Variants in TLK1 observed in about 807,000 individuals in gnomAD.
The protein encoded by TLK1 is tousled like kinase 1.
A neutral mutation model predicts 105.3 loss-of-function variants in TLK1; 24 were observed. The ratio of observed to expected loss-of-function variants is 0.23; its 90% CI spans 0.17 to 0.32. The LOEUF (loss-of-function observed/expected upper bound fraction) is 0.32, where lower values mean the gene tolerates loss of function less well. Ranked by LOEUF, TLK1 falls within the 10% of genes least tolerant of loss-of-function variation. The pLI is 1.00. For synonymous variants in TLK1, 321 were observed against 310.4 expected (o/e 1.03, Z -0.36); for missense variants, 558 against 910.5 (o/e 0.61, Z 4.98).
intron 2 of TLK1, among the ~76,000 whole-genome samples, chr2:171,088,821 TC>T (rs1689095262): frequency 6.6e-6 from 1 of 152,116 alleles, no homozygotes. Flanking sequence ...CATATATCTT[TC>T]CTCAAGAAGC....
At chr2:171,070,409 T>TCCC (rs1175645965) in intron 3 of TLK1, among the ~76,000 whole-genome samples, 1 of 152,022 alleles carries the variant, frequency 6.6e-6, no homozygotes, top group Non-Finnish European at 1.5e-5. Context: ...CATTAACCAT[T>TCCC]CCCCCTCCCC....
chr2:171,073,880 C>G (rs1013420581), intron 3 of TLK1, among the ~76,000 whole-genome samples: 9 of 98,474 alleles, frequency 9.1e-5, no homozygotes, highest in Admixed American at 2.2e-4. Flanking sequence ...ATTCCCCCCC[C>G]CCCTCCTTTT....
At chr2:171,043,455 T>G (rs1294939236) in intron 11 of TLK1, among the ~76,000 whole-genome samples, 1 of 152,140 alleles carries the variant, frequency 6.6e-6, no homozygotes, top group Non-Finnish European at 1.5e-5. Context: ...GGTTAGATCA[T>G]TCAAGTACTG....
intron 1 of TLK1, among the ~76,000 whole-genome samples, chr2:171,148,911 A>ATATATG (rs1408462467): frequency 7.4e-6 from 1 of 134,240 alleles, no homozygotes; most frequent in African/African-American, 3.0e-5. Flanking sequence ...ATATATATAT[A>ATATATG]TGTGTGTGTG....
Position 171,201,901 on chromosome 2 carries a change from C to CTATT in TLK1, c.-6+29243_-6+29244insAATA, listed in dbSNP as rs968199784. ...CCTAAGACCATTTATCAGCTATCAT[C>CTATT]TATCTATCTATCTATCTATCTATCT... On this transcript the variant is annotated intron_variant, in intron 1 of 20. Coordinates refer to the TLK1 transcript ENST00000521943. Among the ~76,000 whole-genome samples the CTATT allele has an allele frequency of 1.0e-4, 8 of 76,346 alleles. No individual in the cohort carries two copies. The South Asian group carries it at 1.3e-3, about 13-fold the overall frequency. The allele number at this position is 76,346 out of a possible 152,430, so 50.1% of individuals were successfully genotyped here. A position where few individuals can be genotyped will look rare whatever the true frequency, so the allele number is the denominator to read the frequency against.
chr2:171,077,040 T>C (rs1688547387), intron 3 of TLK1, among the ~76,000 whole-genome samples: 1 of 152,180 alleles, frequency 6.6e-6, no homozygotes, highest in African/African-American at 2.4e-5. Flanking sequence ...TTCTAACTCC[T>C]TCAGGTATTC....
intron 2 of TLK1, among the ~76,000 whole-genome samples, chr2:171,112,725 G>A (rs1243806650): frequency 6.6e-6 from 1 of 152,082 alleles, no homozygotes; most frequent in Non-Finnish European, 1.5e-5. Context: ...CAGCAAGACT[G>A]CCAGATACAA....
In TLK1 at chr2:171,160,372, G is replaced by C. The variant is rs1692435137; in HGVS notation, c.57C>G (p.Leu19=). The part of the protein sequence containing the change: ...SLEGPPSWSQ[L]STSPTPGSAA... Reference sequence around the variant, plus strand: ...CCGAGCCCGGGGTTGGAGACGTGGAGAGCTGGGACCAAGATGGCGGCCCCT... The same window carrying C: ...CCGAGCCCGGGGTTGGAGACGTGGACAGCTGGGACCAAGATGGCGGCCCCT... Residue 19 remains leucine (L), a synonymous_variant, in exon 1 of 21, where the codon CTC becomes CTG. Coordinates refer to ENST00000431350, the MANE Select transcript of TLK1 (RefSeq NM_012290.5). The surrounding 1 kb of genome is among the most constrained non-coding windows in gnomAD (Gnocchi z 4.4). 2.5e-6 allele frequency: 4 copies of C among 1,606,212 alleles called. No homozygotes were observed. The East Asian group carries it at 9.2e-5, about 37-fold the overall frequency.
chr2:170,996,157 C>T lies in TLK1; in HGVS notation c.2124+496G>A, dbSNP rs1458069334. Among the ~76,000 whole-genome samples the T allele has an allele frequency of 2.0e-5, 3 of 151,642 alleles. No individual in the cohort carries two copies. In the South Asian group the frequency reaches 6.2e-4, roughly 32 times the overall value. Reference sequence around the variant, plus strand: ...GAGACTCTAGATGTGTGCCACCACGCCTGGCTAATTTTTGTATTTTTAGTA... The same window carrying T: ...GAGACTCTAGATGTGTGCCACCACGTCTGGCTAATTTTTGTATTTTTAGTA... On this transcript the variant is annotated intron_variant, in intron 20 of 20. Coordinates refer to ENST00000431350, the MANE Select transcript of TLK1 (RefSeq NM_012290.5).
intron 2 of TLK1, among the ~76,000 whole-genome samples, chr2:171,087,264 T>C (rs1238043996): frequency 6.6e-6 from 1 of 152,118 alleles, no homozygotes; most frequent in Non-Finnish European, 1.5e-5. Flanking sequence ...CTAATATAAG[T>C]AGCTCAAACG....
At chr2:171,217,485 T>G (rs1188100863) in intron 1 of TLK1, among the ~76,000 whole-genome samples, 1 of 152,152 alleles carries the variant, frequency 6.6e-6, no homozygotes, top group East Asian at 1.9e-4. Flanking sequence ...TCTTTTCCAT[T>G]TCCTTGCCCC....
rs552363395 is a variant in TLK1 at position 171,112,866 on chromosome 2, C to A, written c.258+4873G>T. On this transcript the variant is annotated intron_variant, in intron 2 of 20. Transcript: ENST00000431350. ...ATTCCTAAGAAGTCCATGGGGAGAA[C>A]TGAATAAACAGGGAGACATTTCATG... Among the ~76,000 whole-genome samples, 30 of 152,174 alleles carry A rather than the reference C, an allele frequency of 2.0e-4. No homozygotes were observed. In the South Asian group the frequency reaches 6.0e-3, roughly 31 times the overall value.
At chr2:171,062,508 A>G (rs1454865000) in intron 3 of TLK1, among the ~76,000 whole-genome samples, 2 of 152,190 alleles carry the variant, frequency 1.3e-5, no homozygotes, top group Non-Finnish European at 2.9e-5. Context: ...GATTCAGAGA[A>G]ATTGGACCAA....
At chr2:171,204,572 G>A (rs1235439913) in intron 1 of TLK1, among the ~76,000 whole-genome samples, 1 of 151,686 alleles carries the variant, frequency 6.6e-6, no homozygotes, top group Non-Finnish European at 1.5e-5. Context: ...AAAAAAAAAG[G>A]TAGTTATGGC....
intron 11 of TLK1, among the ~76,000 whole-genome samples, chr2:171,036,530 T>C (rs1686347446): frequency 6.6e-6 from 1 of 152,362 alleles, no homozygotes; most frequent in East Asian, 1.9e-4. Flanking sequence ...AAAAGATTAT[T>C]CCCAGACCTT....
chr2:171,085,955 T>C (rs984160855), intron 2 of TLK1, among the ~76,000 whole-genome samples: 2 of 152,206 alleles, frequency 1.3e-5, no homozygotes, highest in African/African-American at 2.4e-5. Flanking sequence ...TTGTTCACTG[T>C]GCTAATGTTA....
At position 170,991,887 on chromosome 2, in the gene TLK1, T is replaced by C. The variant is rs1683799792; in HGVS notation, c.*1893A>G. The C allele has an allele frequency of 7.5e-6, 1 of 132,524 alleles. No individual in the cohort carries two copies. The highest frequency in any genetic ancestry group is 1.7e-5 in the Non-Finnish European group (1 of 58,114). 8.2% of individuals were successfully genotyped at this position (132,524 alleles called of 1,614,324 possible). On this transcript the variant is annotated 3_prime_UTR_variant, in exon 21 of 21. Transcript: ENST00000431350. ...GCACTCAATCAATGCTAAGATTTCA[T>C]TACCATGTAGTATTTTTTTTTTAAT...
intron 1 of TLK1, among the ~76,000 whole-genome samples, chr2:171,179,862 G>A (rs1400780555): frequency 6.6e-6 from 1 of 152,148 alleles, no homozygotes; most frequent in African/African-American, 2.4e-5. Flanking sequence ...GAGAGGCCAA[G>A]GCTGGTGGAT....
intron 1 of TLK1, among the ~76,000 whole-genome samples, chr2:171,216,210 C>T (rs554751905): frequency 2.3e-4 from 35 of 152,340 alleles, no homozygotes; most frequent in African/African-American, 8.2e-4. Flanking sequence ...GGTGCAGTGG[C>T]TCACGCCTGT....
Sources: allele counts gnomAD v4.1 joint callset (sites outside exome capture counted in the v4.1 genomes callset), GRCh38; gene constraint gnomAD v4.1.1; non-coding constraint Gnocchi (gnomAD v3.1); transcripts MANE v1.5; gene names NCBI Gene and HGNC (gene_info 2026-07-23, HGNC 2026-07-21).